Variants in SLC12A2 observed in about 807,000 individuals in gnomAD.
The protein encoded by SLC12A2 is Na-K-2Cl cotransporter 1.
In SLC12A2, 67 loss-of-function variants were observed where a neutral mutation model predicts 136.3. That is an observed-to-expected ratio of 0.49 (90% CI 0.40 to 0.60). SLC12A2 has a LOEUF of 0.60. Among genes scored for constraint, SLC12A2 ranks in the 20% least tolerant of loss-of-function variants. The probability of loss-of-function intolerance (pLI) is 0.00; values close to 1 mark genes in which losing one functional copy is unlikely to be tolerated. For missense variants in SLC12A2, 1,322 were observed against 1,534.7 expected (o/e 0.86, Z 2.32); for synonymous variants, 619 against 562.9 (o/e 1.10, Z -1.41).
In SLC12A2 at chr5:128,135,774, G is replaced by T; in HGVS notation, c.1374G>T (p.Glu458Asp). ...TCATAGGAACATTTATCCCACTGGAGAGCAAGAAGCCAAAAGGGTTTTTTG... is the reference window on the plus strand; with the variant it reads ...TCATAGGAACATTTATCCCACTGGATAGCAAGAAGCCAAAAGGGTTTTTTG... ...DFVIGTFIPL[E>D]SKKPKGFFGY... Residue 458 changes from glutamate (E) to aspartate (D), a missense_variant, in exon 7 of 27, where the codon GAG (glutamate) becomes GAT (aspartate). Glu to Asp is a conservative substitution (Grantham distance 45). This residue lies in a region of SLC12A2 where 110 missense variants were observed against 114.5 expected (regional missense o/e 0.96). Coordinates refer to ENST00000262461, the MANE Select transcript of SLC12A2 (RefSeq NM_001046.3). 6.2e-7 allele frequency: 1 copy of T among 1,611,444 alleles called. No individual in the cohort carries two copies. Among genetic ancestry groups the T allele is most frequent in the Non-Finnish European group, 8.5e-7 (1 of 1,178,062 alleles).
chr5:128,143,205 A>T (rs983738592), intron 10 of SLC12A2, among the ~76,000 whole-genome samples: 13 of 152,100 alleles, frequency 8.5e-5, no homozygotes, highest in Non-Finnish European at 1.6e-4. Context: ...ATTTTGCTCA[A>T]TTTAAACCCA....
intron 1 of SLC12A2, among the ~76,000 whole-genome samples, chr5:128,089,694 G>A (rs1299204966): frequency 6.6e-6 from 1 of 152,178 alleles, no homozygotes; most frequent in Non-Finnish European, 1.5e-5. Context: ...TTCATACAGA[G>A]AATAGGCACT....
intron 24 of SLC12A2, 129 bp from the exon 25 acceptor site, chr5:128,184,237 T>G: frequency 1.8e-6 from 1 of 545,224 alleles, no homozygotes; most frequent in Non-Finnish European, 3.2e-6. Context: ...ATTATTATGG[T>G]TGGGGTATGG....
chr5:128,110,794 G>A (rs1344781673), intron 1 of SLC12A2: 1 of 1,477,586 alleles, frequency 6.8e-7, no homozygotes, highest in African/African-American at 1.4e-5. Flanking sequence ...CAAAAAGATA[G>A]CAAAAGCAGG....
At chr5:128,129,451 G>C (rs1210396012) in intron 4 of SLC12A2, among the ~76,000 whole-genome samples, 1 of 150,608 alleles carries the variant, frequency 6.6e-6, no homozygotes, top group Non-Finnish European at 1.5e-5. Context: ...AAAATCATGA[G>C]GCTAATGTTA....
At chr5:128,096,454 C>T (rs1760540505) in intron 1 of SLC12A2, among the ~76,000 whole-genome samples, 1 of 151,882 alleles carries the variant, frequency 6.6e-6, no homozygotes, top group Non-Finnish European at 1.5e-5. Context: ...ATTTTAGAAA[C>T]TAATGTTATG....
intron 4 of SLC12A2, among the ~76,000 whole-genome samples, chr5:128,124,215 A>G (rs545814674): frequency 8.5e-5 from 13 of 152,322 alleles, no homozygotes; most frequent in African/African-American, 3.1e-4. Context: ...CTTGTTTTAC[A>G]CACTTCTGAC....
At chr5:128,164,657 A>G (rs923343880) in intron 17 of SLC12A2, among the ~76,000 whole-genome samples, 1 of 152,126 alleles carries the variant, frequency 6.6e-6, no homozygotes, top group African/African-American at 2.4e-5. Flanking sequence ...AATTTTGTAC[A>G]TTAATTTGTT....
At chr5:128,145,259 T>C (rs1164227481) in intron 10 of SLC12A2, among the ~76,000 whole-genome samples, 1 of 152,094 alleles carries the variant, frequency 6.6e-6, no homozygotes, top group African/African-American at 2.4e-5. Context: ...CAGTTTTGCC[T>C]TACTCCTACA....
At chr5:128,126,966 A>AATTTT (rs1554105176) in intron 4 of SLC12A2, among the ~76,000 whole-genome samples, 2 of 21,160 alleles carry the variant, frequency 9.5e-5, no homozygotes, top group African/African-American at 5.0e-4. Context: ...ATATATATAT[A>AATTTT]TTTTTTTTTT....
At chr5:128,173,063 A>G (rs1031404603) in intron 19 of SLC12A2, among the ~76,000 whole-genome samples, 7 of 152,204 alleles carry the variant, frequency 4.6e-5, no homozygotes, top group African/African-American at 1.4e-4. Context: ...AAATTTACAT[A>G]TATAACATAT....
chr5:128,129,980 C>T (rs1447200341), intron 4 of SLC12A2, among the ~76,000 whole-genome samples: 1 of 150,968 alleles, frequency 6.6e-6, no homozygotes, highest in Non-Finnish European at 1.5e-5. Context: ...ACAGGATTTA[C>T]TGGGATACAA....
chr5:128,161,841 T>A (rs1484781258), intron 17 of SLC12A2, 41 bp downstream of exon 17: 8 of 1,304,874 alleles, frequency 6.1e-6, no homozygotes, highest in African/African-American at 1.5e-5. Context: ...CATTTTAGAT[T>A]TGTATAAGCT....
intron 7 of SLC12A2, among the ~76,000 whole-genome samples, chr5:128,136,410 T>G (rs1442489387): frequency 1.3e-5 from 2 of 152,152 alleles, no homozygotes; most frequent in African/African-American, 4.8e-5. Flanking sequence ...TAGTCAAGGT[T>G]ATACCTGCAC....
At chr5:128,117,097 A>G (rs1356406292) in intron 4 of SLC12A2, among the ~76,000 whole-genome samples, 4 of 152,216 alleles carry the variant, frequency 2.6e-5, no homozygotes, top group African/African-American at 9.6e-5. Flanking sequence ...GCAATAAGCA[A>G]TTCTTGTGCC....
At chr5:128,155,176 C>A (rs904235434) in intron 15 of SLC12A2, among the ~76,000 whole-genome samples, 15 of 152,018 alleles carry the variant, frequency 9.9e-5, no homozygotes, top group African/African-American at 3.6e-4. Flanking sequence ...CCAGATGAAG[C>A]CGGATGTTGA....
intron 7 of SLC12A2, among the ~76,000 whole-genome samples, chr5:128,136,852 ATC>A (rs1352647492): frequency 1.3e-5 from 2 of 152,006 alleles, no homozygotes; most frequent in Non-Finnish European, 2.9e-5. Context: ...CTATTCCTGA[ATC>A]TCTCCTTTAA....
intron 17 of SLC12A2, among the ~76,000 whole-genome samples, chr5:128,166,020 A>T (rs1051527447): frequency 6.9e-6 from 1 of 145,948 alleles, no homozygotes; most frequent in African/African-American, 2.5e-5. Flanking sequence ...AGGTCCTTTT[A>T]GTATTGAATG....
intron 5 of SLC12A2, among the ~76,000 whole-genome samples, chr5:128,132,384 T>G (rs1167148251): frequency 6.6e-6 from 1 of 152,150 alleles, no homozygotes; most frequent in African/African-American, 2.4e-5. Flanking sequence ...TGTGAGAAAT[T>G]AGAGAAATAG....
Sources: allele counts gnomAD v4.1 joint callset (sites outside exome capture counted in the v4.1 genomes callset), GRCh38; gene constraint gnomAD v4.1.1; regional missense constraint gnomAD v4.1.1; transcripts MANE v1.5; gene names NCBI Gene and HGNC (gene_info 2026-07-23, HGNC 2026-07-21).